Variants in MSI1 observed in about 807,000 individuals in gnomAD.
MSI1 encodes musashi RNA binding protein 1.
Under a neutral mutation model 54.4 loss-of-function variants are expected in MSI1, and 15 were observed. The ratio of observed to expected loss-of-function variants is 0.28; its 90% CI spans 0.18 to 0.42. The LOEUF is 0.42. Ranked by LOEUF, MSI1 falls within the 20% of genes least tolerant of loss-of-function variation. The probability of loss-of-function intolerance (pLI) is 1.00; values close to 1 mark genes in which losing one functional copy is unlikely to be tolerated. For missense variants in MSI1, 304 were observed against 506.0 expected (o/e 0.60, Z 3.83); for synonymous variants, 200 against 196.5 (o/e 1.02, Z -0.15).
chr12:120,343,858 G>A (rs553402349), intron 14 of MSI1, among the ~76,000 whole-genome samples: 1 of 152,016 alleles, frequency 6.6e-6, no homozygotes, highest in South Asian at 2.1e-4. Flanking sequence ...GAGGTATCCT[G>A]TTGTTTTTTG....
chr12:120,363,235 T>G, intron 5 of MSI1, 100 bp from the exon 6 acceptor site: 2 of 933,448 alleles, frequency 2.1e-6, no homozygotes, highest in Non-Finnish European at 3.4e-6. Flanking sequence ...GCTGACAAGC[T>G]CTCTGTGGCC....
intron 9 of MSI1, among the ~76,000 whole-genome samples, chr12:120,354,083 C>G (rs367989820): frequency 6.6e-6 from 1 of 151,914 alleles, no homozygotes; most frequent in Non-Finnish European, 1.5e-5. Context: ...CTTCTGGGCT[C>G]AAGTGATTCT....
downstream of MSI1, among the ~76,000 whole-genome samples, chr12:120,339,912 G>A (rs1037177487): frequency 6.6e-6 from 1 of 151,558 alleles, no homozygotes; most frequent in Non-Finnish European, 1.5e-5. Flanking sequence ...CCAAGTAGCT[G>A]AGACTACAGG....
At chr12:120,340,089 CTT>C (rs11399604), downstream of MSI1, among the ~76,000 whole-genome samples, 10 of 144,786 alleles carry the variant, frequency 6.9e-5, no homozygotes, top group East Asian at 2.0e-4. Context: ...GCCAAAATAG[CTT>C]TTTTTTTTTT....
chr12:120,351,508 T>C, intron 10 of MSI1, 108 bp from the exon 11 acceptor site: 1 of 955,732 alleles, frequency 1.0e-6, no homozygotes, highest in South Asian at 1.5e-5. Context: ...AGACAGGCCA[T>C]GCACAGGACC....
chr12:120,357,716 A>C, intron 8 of MSI1, 100 bp downstream of exon 8: 1 of 1,156,138 alleles, frequency 8.6e-7, no homozygotes. Flanking sequence ...GTGTTGGCCA[A>C]TCTGGTCTCA....
chr12:120,358,800 C>T (rs1875372103), intron 7 of MSI1, among the ~76,000 whole-genome samples: 1 of 152,132 alleles, frequency 6.6e-6, no homozygotes, highest in South Asian at 2.1e-4. Flanking sequence ...GGGTACTCCT[C>T]TGTTCGTCTC....
In MSI1 at chr12:120,368,894, CA is replaced by C; in HGVS notation, c.60-22del. The C allele has an allele frequency of 7.0e-7, 1 of 1,434,980 alleles. No homozygotes were observed. The highest frequency in any genetic ancestry group is 9.3e-7 in the Non-Finnish European group (1 of 1,080,524). 88.9% of individuals were successfully genotyped at this position (1,434,980 alleles called of 1,614,324 possible). ...TCTTGCTGCGGGAGGAGGAGAGACA[CA>C]AAGGGCCCGCGTGAGCGCCGGGCGC... On this transcript the variant is annotated intron_variant, in intron 1 of 14. Coordinates refer to ENST00000257552, the MANE Select transcript of MSI1 (RefSeq NM_002442.4). This position sits in a 1 kb window ranked among gnomAD's most constrained non-coding sequence, Gnocchi z 6.6.
chr12:120,366,079 G>A (rs1225223958), intron 4 of MSI1, among the ~76,000 whole-genome samples: 3 of 152,186 alleles, frequency 2.0e-5, no homozygotes, highest in Non-Finnish European at 4.4e-5. Context: ...CAAAAGACAG[G>A]GCATGAGACG....
intron 12 of MSI1, 99 bp downstream of exon 12, chr12:120,347,347 T>C: frequency 7.5e-7 from 1 of 1,331,792 alleles, no homozygotes; most frequent in Non-Finnish European, 1.1e-6. Context: ...TGAACAAGTG[T>C]CCCTCTGCAA....
intron 6 of MSI1, among the ~76,000 whole-genome samples, chr12:120,360,533 C>G (rs1246839327): frequency 6.6e-6 from 1 of 152,222 alleles, no homozygotes; most frequent in African/African-American, 2.4e-5. Context: ...TGGACCCACT[C>G]TGAGTCCCAA....
chr12:120,351,620 T>C (rs1228168644), intron 10 of MSI1, among the ~76,000 whole-genome samples: 2 of 151,696 alleles, frequency 1.3e-5, no homozygotes, highest in Non-Finnish European at 2.9e-5. Flanking sequence ...TTGCCACCTA[T>C]ACCCTGGGCA....
At chr12:120,358,433 A>G (rs1339632431) in intron 7 of MSI1, among the ~76,000 whole-genome samples, 1 of 152,178 alleles carries the variant, frequency 6.6e-6, no homozygotes, top group Non-Finnish European at 1.5e-5. Context: ...CACAGAACAC[A>G]TACCCCACTC....
chr12:120,359,950 T>C (rs1875488957), intron 6 of MSI1, among the ~76,000 whole-genome samples: 1 of 151,958 alleles, frequency 6.6e-6, no homozygotes, highest in Non-Finnish European at 1.5e-5. Flanking sequence ...GCCTCTTCCC[T>C]ACTCTCCTTC....
At chr12:120,344,312 T>C (rs564430886) in intron 14 of MSI1, among the ~76,000 whole-genome samples, 1 of 152,356 alleles carries the variant, frequency 6.6e-6, no homozygotes, top group Admixed American at 6.5e-5. Flanking sequence ...TGTTTGAAAC[T>C]GGGACAAACA....
intron 6 of MSI1, among the ~76,000 whole-genome samples, chr12:120,360,584 A>G (rs1875551444): frequency 6.6e-6 from 1 of 152,246 alleles, no homozygotes; most frequent in South Asian, 2.1e-4. Flanking sequence ...CAATCATTTC[A>G]GGTTCAGCAC....
chr12:120,354,502 G>T (rs1184894856), intron 9 of MSI1, among the ~76,000 whole-genome samples: 2 of 152,096 alleles, frequency 1.3e-5, no homozygotes, highest in East Asian at 3.9e-4. Flanking sequence ...CATGATCTCG[G>T]CTCACCGCCA....
intron 6 of MSI1, 56 bp from the exon 7 acceptor site, chr12:120,359,109 C>T: frequency 6.5e-7 from 1 of 1,548,860 alleles, no homozygotes; most frequent in Non-Finnish European, 8.7e-7. Flanking sequence ...CCCACTACCA[C>T]CAAGGAACAG....
intron 9 of MSI1, among the ~76,000 whole-genome samples, chr12:120,354,612 G>C (rs1411596843): frequency 6.6e-6 from 1 of 152,094 alleles, no homozygotes. Flanking sequence ...TGTATTTTTA[G>C]TTGAGACAGG....
Sources: gnomAD v4.1 joint callset for allele counts (sites outside exome capture counted in the v4.1 genomes callset) on GRCh38, gnomAD v4.1.1 for gene constraint, Gnocchi (gnomAD v3.1) non-coding constraint, MANE v1.5 for transcripts, NCBI Gene and HGNC (gene_info 2026-07-23, HGNC 2026-07-21) for gene names.